Variants in PPEF2 observed in about 807,000 individuals in gnomAD.
PPEF2 encodes the protein serine/threonine-protein phosphatase with EF-hands 2.
In PPEF2, 84 loss-of-function variants were observed where a neutral mutation model predicts 84.7. The ratio of observed to expected loss-of-function variants is 0.99; its 90% CI spans 0.83 to 1.19. PPEF2 has a LOEUF of 1.19. Among genes scored for constraint, PPEF2 ranks in the 50% most tolerant of loss-of-function variants. PPEF2 has a pLI of 0.00. For synonymous variants in PPEF2, 346 were observed against 345.2 expected (o/e 1.00, Z -0.03); for missense variants, 924 against 937.5 (o/e 0.99, Z 0.19).
At chr4:75,895,595 G>A (rs564552441) in intron 2 of PPEF2, among the ~76,000 whole-genome samples, 3 of 151,562 alleles carry the variant, frequency 2.0e-5, no homozygotes, top group African/African-American at 7.3e-5. Flanking sequence ...AGCCAGGCGT[G>A]GTCGCGGGCG....
At chr4:75,871,932 A>G (rs2149216636) in intron 13 of PPEF2, 93 bp downstream of exon 13, 2 of 1,358,006 alleles carry the variant, frequency 1.5e-6, no homozygotes, top group East Asian at 2.3e-5. Context: ...TCTCACGTAG[A>G]ATTTGAATAA....
chr4:75,899,022 T>G (rs1312330405), intron 1 of PPEF2, among the ~76,000 whole-genome samples: 1 of 152,182 alleles, frequency 6.6e-6, no homozygotes, highest in Non-Finnish European at 1.5e-5. Context: ...TCCTTCTATT[T>G]TCCCCAGTCT....
At position 75,896,363 on chromosome 4, in the gene PPEF2, C is replaced by T; in HGVS notation, c.-38G>A. The T allele has an allele frequency of 6.2e-7, 1 of 1,605,736 alleles. No homozygotes were observed. Among genetic ancestry groups the T allele is most frequent in the Non-Finnish European group, 8.5e-7 (1 of 1,172,350 alleles). Reference sequence around the variant, plus strand: ...ATGCTCCTGCAGGACGCAGCAGATCCAGAGGACAGTGAGCTGTTTGCTGAC... The same window carrying T: ...ATGCTCCTGCAGGACGCAGCAGATCTAGAGGACAGTGAGCTGTTTGCTGAC... On this transcript the variant is annotated 5_prime_UTR_variant, in exon 2 of 17. Coordinates refer to ENST00000286719, the MANE Select transcript of PPEF2 (RefSeq NM_006239.3).
chr4:75,879,977 C>T (rs558268731), intron 10 of PPEF2, among the ~76,000 whole-genome samples: 28 of 151,872 alleles, frequency 1.8e-4, no homozygotes, highest in Admixed American at 1.3e-3. Flanking sequence ...TATAGGCGCG[C>T]GTCACCACAT....
At chr4:75,873,087 G>T (rs750938906) in intron 12 of PPEF2, 40 bp downstream of exon 12, 72 of 1,565,776 alleles carry the variant, frequency 4.6e-5, no homozygotes, top group Non-Finnish European at 1.0e-5. Flanking sequence ...GACTACTTTG[G>T]TGACACACAA....
At position 75,887,011 on chromosome 4, in the gene PPEF2, G is replaced by A. The variant is rs567246706; in HGVS notation, c.533-113C>T. 86 of 516,868 alleles carry A rather than the reference G, an allele frequency of 1.7e-4. 1 individual carries two copies. Among genetic ancestry groups the A allele is most frequent in the Non-Finnish European group, 4.8e-5 (14 of 290,870 alleles). 32.0% of individuals were successfully genotyped at this position (516,868 alleles called of 1,614,324 possible). On this transcript the variant is annotated intron_variant, in intron 6 of 16. Transcript: ENST00000286719. Reference sequence around the variant, plus strand: ...AATCTGACAGAAAAAACCCTACAAAGTTTTCCATATGTAAGATAAGGATAA... The same window carrying A: ...AATCTGACAGAAAAAACCCTACAAAATTTTCCATATGTAAGATAAGGATAA...
intron 4 of PPEF2, 96 bp from the exon 5 acceptor site, chr4:75,890,228 C>G (rs527948999): frequency 7.2e-7 from 1 of 1,379,864 alleles, no homozygotes; most frequent in South Asian, 1.4e-5. Context: ...CGGTGGCTCT[C>G]TAATCCCAGA....
rs967809322 is a variant in PPEF2, at chr4:75,896,266, C to T, written c.55+5G>A. 3 of 1,613,770 alleles carry T rather than the reference C, an allele frequency of 1.9e-6. No homozygotes were observed. Among genetic ancestry groups the T allele is most frequent in the African/African-American group, 1.3e-5 (1 of 74,920 alleles). ...CAGCTGGTTTGGAAAGTGGGAAACA[C>T]GTACCTCTCTCTGCATTCTGGAAAG... On this transcript the variant is annotated splice_donor_5th_base_variant and intron_variant, in intron 2 of 16. Coordinates refer to ENST00000286719, the MANE Select transcript of PPEF2 (RefSeq NM_006239.3).
Position 75,864,522 on chromosome 4 carries a change from T to G in PPEF2, c.1926A>C (p.Ile642=), listed in dbSNP as rs1226227601. 3 of 1,610,622 alleles carry G rather than the reference T, an allele frequency of 1.9e-6. No homozygotes were observed. Among genetic ancestry groups the G allele is most frequent in the Non-Finnish European group, 2.5e-6 (3 of 1,176,904 alleles). ...LAKEQLSREN[I]QSSLLETLYR... ...ACAATGTTTCCAGCAAACTTGATTGTATGTTCTGCAAGAAAAAATTCATTT... is the reference window on the plus strand; with the variant it reads ...ACAATGTTTCCAGCAAACTTGATTGGATGTTCTGCAAGAAAAAATTCATTT... Residue 642 remains isoleucine (I), a synonymous_variant, in exon 16 of 17, where the codon ATA becomes ATC. Transcript: ENST00000286719.
Position 75,872,040 on chromosome 4 carries a change from A to G in PPEF2, c.1634T>C (p.Leu545Pro). The change falls in exon 13 of 17, where the codon CTC (leucine) becomes CCC (proline). Residue 545 changes from leucine (L) to proline (P), a missense_variant. By Grantham distance (98) the Leu-to-Pro change is moderately conservative. Coordinates refer to ENST00000286719, the MANE Select transcript of PPEF2 (RefSeq NM_006239.3). ...QYQANKVTHT[L>P]TMRQRISRVE... ...AAAGTCTTGCCTTTGCCTCATGGTG[A>G]GTGTGTGGGTCACCTTGTTAGCTTG... The G allele has an allele frequency of 6.3e-7, 1 of 1,599,832 alleles. No individual in the cohort carries two copies. Among genetic ancestry groups the G allele is most frequent in the Admixed American group, 1.8e-5 (1 of 55,956 alleles).
chr4:75,871,472 T>C (rs1724276606), intron 13 of PPEF2, among the ~76,000 whole-genome samples: 1 of 152,084 alleles, frequency 6.6e-6, no homozygotes, highest in Admixed American at 6.6e-5. Context: ...CTTCTTCTTT[T>C]TGTTTTTCTT....
At chr4:75,901,943 T>C (rs1725132884) in intron 1 of PPEF2, among the ~76,000 whole-genome samples, 1 of 151,992 alleles carries the variant, frequency 6.6e-6, no homozygotes, top group Admixed American at 6.6e-5. Flanking sequence ...GCCACTGCAC[T>C]CCAGTCTGGG....
chr4:75,891,794 C>T lies in PPEF2; in HGVS notation c.183+57G>A, dbSNP rs556710692. 1.1e-4 allele frequency: 183 copies of T among 1,597,444 alleles called. No homozygotes were observed. In the African/African-American group the frequency reaches 2.0e-3, roughly 18 times the overall value. ...CAGTTGGCCTCACTTTAGGAGCACC[C>T]GAGCCCTGCTGCCCAAGGGAGAGCA... On this transcript the variant is annotated intron_variant, in intron 3 of 16. Transcript: ENST00000286719.
At chr4:75,869,810 G>A (rs1255186143) in intron 13 of PPEF2, among the ~76,000 whole-genome samples, 5 of 151,848 alleles carry the variant, frequency 3.3e-5, no homozygotes, top group Admixed American at 2.0e-4. Flanking sequence ...TCCTGCCACT[G>A]TACTACAGCC....
chr4:75,889,578 CTTATTTATTG>C (rs1320384812), intron 5 of PPEF2, among the ~76,000 whole-genome samples: 1 of 152,114 alleles, frequency 6.6e-6, no homozygotes, highest in Non-Finnish European at 1.5e-5. Context: ...GCATAATTGT[CTTATTTATTG>C]TTATTTATTG....
rs1165673828 is a variant in PPEF2 at position 75,860,670 on chromosome 4, G to A, written c.2259C>T (p.His753=). ...GGTGATGAAGACCAGGCTGTTCTTA[G>A]TGTGCACCTGGACTGCTGCAGCCAC... ...KDSGCSSPGA[H] Residue 753 remains histidine (H), a synonymous_variant, in exon 17 of 17, where the codon CAC becomes CAT. Coordinates refer to ENST00000286719, the MANE Select transcript of PPEF2 (RefSeq NM_006239.3). The A allele has an allele frequency of 4.3e-6, 7 of 1,613,990 alleles. No individual in the cohort carries two copies. Among genetic ancestry groups the A allele is most frequent in the Middle Eastern group, 1.7e-4 (1 of 5,902 alleles).
intron 2 of PPEF2, among the ~76,000 whole-genome samples, chr4:75,895,110 C>T (rs1051904264): frequency 2.0e-5 from 3 of 150,086 alleles, no homozygotes; most frequent in Non-Finnish European, 2.9e-5. Flanking sequence ...GTGCTCGCCA[C>T]CACACCCAGC....
chr4:75,872,091 G>A lies in PPEF2; in HGVS notation c.1583C>T (p.Ala528Val). Residue 528 changes from alanine (A) to valine (V), a missense_variant, in exon 13 of 17, where the codon GCC becomes GTC. Ala to Val is a moderately conservative substitution (Grantham distance 64). Coordinates refer to ENST00000286719, the MANE Select transcript of PPEF2 (RefSeq NM_006239.3). ...ATACTGCACAATATGTGGGGTCAGG[G>A]CTGGCCCCAGTTTGACATAGGCCCC... ...NRGAYVKLGP[A>V]LTPHIVQYQA... 6.2e-7 allele frequency: 1 copy of A among 1,613,116 alleles called. No homozygotes were observed. Among genetic ancestry groups the A allele is most frequent in the Non-Finnish European group, 8.5e-7 (1 of 1,179,138 alleles).
chr4:75,878,159 T>A (rs1259496454), intron 10 of PPEF2, among the ~76,000 whole-genome samples: 6 of 152,176 alleles, frequency 3.9e-5, no homozygotes, highest in African/African-American at 1.4e-4. Flanking sequence ...GAGCTCCTCT[T>A]TTCAGCCTGG....
Sources: gnomAD v4.1 joint callset for allele counts (sites outside exome capture counted in the v4.1 genomes callset) on GRCh38, gnomAD v4.1.1 for gene constraint, MANE v1.5 for transcripts, NCBI Gene and HGNC (gene_info 2026-07-23, HGNC 2026-07-21) for gene names.